Variants in DMXL2 observed in about 807,000 individuals in gnomAD.
DMXL2 encodes the protein dmX-like protein 2.
A neutral mutation model predicts 331.1 loss-of-function variants in DMXL2; 103 were observed. That is an observed-to-expected ratio of 0.31 (90% confidence interval 0.27 to 0.37). DMXL2 has a LOEUF of 0.37. Ranked by LOEUF, DMXL2 falls within the 10% of genes least tolerant of loss-of-function variation. The probability of loss-of-function intolerance (pLI) is 1.00; values close to 1 mark genes in which losing one functional copy is unlikely to be tolerated. For missense variants in DMXL2, 3,171 were observed against 3,642.9 expected (o/e 0.87, Z 3.33); for synonymous variants, 1,281 against 1,252.1 (o/e 1.02, Z -0.49).
intron 6 of DMXL2, among the ~76,000 whole-genome samples, chr15:51,557,613 C>T (rs1176512479): frequency 6.6e-6 from 1 of 152,102 alleles, no homozygotes; most frequent in Non-Finnish European, 1.5e-5. Context: ...AGGACTTGCC[C>T]TACCAGATAT....
intron 1 of DMXL2, among the ~76,000 whole-genome samples, chr15:51,587,390 T>C (rs1250248641): frequency 6.6e-6 from 1 of 151,946 alleles, no homozygotes; most frequent in African/African-American, 2.4e-5. Context: ...CATTGTTCAA[T>C]TCCCACCTAC....
At position 51,502,874 on chromosome 15, in the gene DMXL2, C is replaced by A. The variant is rs1047999304; in HGVS notation, c.2924G>T (p.Arg975Ile). The A allele has an allele frequency of 2.5e-6, 4 of 1,614,054 alleles. No homozygotes were observed. The highest frequency in any genetic ancestry group is 2.2e-5 in the South Asian group (2 of 91,068). Residue 975 changes from arginine to isoleucine, a missense_variant, in exon 17 of 44, where the codon AGA becomes ATA. By Grantham distance (97) the Arg-to-Ile change is moderately conservative (BLOSUM62 -3). This residue lies in a region of DMXL2 where 1,674 missense variants were observed against 1,780.2 expected (regional missense o/e 0.94). Coordinates refer to ENST00000560891, the MANE Select transcript of DMXL2 (RefSeq NM_001378457.1). ...QTASKLILSS[R>I]LVYSQPLDLP... ...ATCAAGGGGTTGGCTATACACCAGT[C>A]TAGAACTCAGAATAAGTTTACTGGC...
At position 51,519,207 on chromosome 15, in the gene DMXL2, C is replaced by T. The variant is rs117903641; in HGVS notation, c.2437-2040G>A. On this transcript the variant is annotated intron_variant, in intron 13 of 43. Transcript: ENST00000560891. ...GGTCTTGCTCTATTGGCCTCCAACT[C>T]CTGGGCTCAAGTGGTCCTCCTATCT... Among the ~76,000 whole-genome samples the T allele has an allele frequency of 2.7e-3, 412 of 152,108 alleles. 19 individuals carry two copies. The East Asian group carries it at 0.065, about 24-fold the overall frequency.
chr15:51,513,764 T>C (rs1228018139), intron 15 of DMXL2, among the ~76,000 whole-genome samples: 1 of 152,134 alleles, frequency 6.6e-6, no homozygotes, highest in African/African-American at 2.4e-5. Flanking sequence ...AAGACATGGC[T>C]TTTCAAATAG....
At chr15:51,574,911 T>TA (rs1567138244) in intron 2 of DMXL2, among the ~76,000 whole-genome samples, 1 of 152,182 alleles carries the variant, frequency 6.6e-6, no homozygotes. Context: ...ACAACTATCA[T>TA]ACAACTTTAG....
intron 1 of DMXL2, among the ~76,000 whole-genome samples, chr15:51,610,458 T>C (rs1294792634): frequency 6.6e-6 from 1 of 152,142 alleles, no homozygotes; most frequent in African/African-American, 2.4e-5. Context: ...GGACACATTT[T>C]CTTTAAGCAC....
At chr15:51,557,494 G>A (rs1334821475) in intron 6 of DMXL2, among the ~76,000 whole-genome samples, 2 of 152,078 alleles carry the variant, frequency 1.3e-5, no homozygotes, top group African/African-American at 4.8e-5. Context: ...AGAATCATAA[G>A]AGGTTTTCTG....
chr15:51,481,754 T>C (rs919112537), intron 23 of DMXL2, 131 bp from the exon 24 acceptor site: 23 of 814,696 alleles, frequency 2.8e-5, no homozygotes, highest in East Asian at 5.4e-5. Context: ...GGTTACACTA[T>C]GGCATATACA....
chr15:51,487,096 G>GGAA (rs2042448448), intron 22 of DMXL2, among the ~76,000 whole-genome samples: 1 of 152,030 alleles, frequency 6.6e-6, no homozygotes, highest in Non-Finnish European at 1.5e-5. Context: ...TAATCTAAGA[G>GGAA]GAAGATATCA....
intron 40 of DMXL2, 130 bp downstream of exon 40, chr15:51,455,021 C>T (rs2039499942): frequency 1.4e-6 from 1 of 716,708 alleles, no homozygotes; most frequent in African/African-American, 1.7e-5. Flanking sequence ...GTGCTGCTGT[C>T]AGGCTGGGAT....
At position 51,512,935 on chromosome 15, in the gene DMXL2, T is replaced by C. The variant is rs112155009; in HGVS notation, c.2644+1507A>G. 7.5e-3 allele frequency among the ~76,000 whole-genome samples: 1,146 copies of C among 152,278 alleles called. 16 individuals are homozygous for C. Among genetic ancestry groups the C allele is most frequent in the African/African-American group, 0.026 (1,094 of 41,564 alleles). ...TGGAGGTTCATTTAATTATGCACTA[T>C]AATTTTGTCTATTTTTGGCATTTTT... On this transcript the variant is annotated intron_variant, in intron 15 of 43. Transcript: ENST00000560891.
Position 51,456,321 on chromosome 15 carries a change from C to G in DMXL2, c.8386G>C (p.Val2796Leu). The G allele has an allele frequency of 6.3e-7, 1 of 1,599,520 alleles. No individual in the cohort carries two copies. The highest frequency in any genetic ancestry group is 1.1e-5 in the South Asian group (1 of 88,348). Residue 2796 changes from valine (V) to leucine (L), a missense_variant, in exon 38 of 44, where the codon GTC becomes CTC. Transcript: ENST00000560891. ...HNVKRMTSHP[V>L]HQYYLTGAQD... The stretch of plus-strand genomic sequence containing the variant: ...CATAAATACTTACAGTATTGATGGA[C>G]TGGGTGTGAAGTCATTCTCTTAACA...
intron 14 of DMXL2, among the ~76,000 whole-genome samples, chr15:51,515,096 A>G (rs1432196961): frequency 6.6e-6 from 1 of 152,180 alleles, no homozygotes; most frequent in Non-Finnish European, 1.5e-5. Context: ...AGCCAGCAGG[A>G]TGATACATCT....
At chr15:51,472,793 T>C (rs920818544) in intron 28 of DMXL2, among the ~76,000 whole-genome samples, 9 of 152,202 alleles carry the variant, frequency 5.9e-5, no homozygotes, top group African/African-American at 2.2e-4. Context: ...CAATTATCTT[T>C]TAAGTGAACT....
intron 15 of DMXL2, among the ~76,000 whole-genome samples, chr15:51,507,458 AAAAGC>A (rs2046474031): frequency 6.6e-6 from 1 of 152,218 alleles, no homozygotes; most frequent in South Asian, 2.1e-4. Flanking sequence ...AAAAGTACAC[AAAAGC>A]TAACATGAAA....
intron 29 of DMXL2, among the ~76,000 whole-genome samples, chr15:51,467,299 T>C (rs2040671839): frequency 6.6e-6 from 1 of 152,146 alleles, no homozygotes; most frequent in Non-Finnish European, 1.5e-5. Context: ...TTTAAACTTT[T>C]TAAAATTTCT....
In DMXL2 at chr15:51,473,917, G is replaced by A. The variant is rs549220416; in HGVS notation, c.7213+427C>T. On this transcript the variant is annotated intron_variant, in intron 28 of 43. Coordinates refer to ENST00000560891, the MANE Select transcript of DMXL2 (RefSeq NM_001378457.1). ...TTGCACATGACCATACATTTAATCT[G>A]AAGCCAACTGCTGGTATGCGCTAAA... Among the ~76,000 whole-genome samples, 7 of 152,166 alleles carry A rather than the reference G, an allele frequency of 4.6e-5. No homozygotes were observed. In the South Asian group the frequency reaches 1.4e-3, roughly 32 times the overall value.
intron 6 of DMXL2, among the ~76,000 whole-genome samples, chr15:51,562,182 G>A (rs972916191): frequency 1.3e-5 from 2 of 152,056 alleles, no homozygotes; most frequent in African/African-American, 4.8e-5. Context: ...ACTCTAATTT[G>A]ACCATCATTA....
intron 27 of DMXL2, among the ~76,000 whole-genome samples, chr15:51,476,178 T>A (rs1329980028): frequency 6.6e-6 from 1 of 152,132 alleles, no homozygotes; most frequent in African/African-American, 2.4e-5. Flanking sequence ...CAGCATGATA[T>A]ATGTACCACA....
Sources: allele counts gnomAD v4.1 joint callset (sites outside exome capture counted in the v4.1 genomes callset), GRCh38; gene constraint gnomAD v4.1.1; regional missense constraint gnomAD v4.1.1; transcripts MANE v1.5; gene names NCBI Gene and HGNC (gene_info 2026-07-23, HGNC 2026-07-21).